Variants in IL12A observed in about 807,000 individuals in gnomAD.
IL12A encodes interleukin-12 subunit alpha.
In IL12A, 16 loss-of-function variants were observed where a neutral mutation model predicts 23.5. That is an observed-to-expected ratio of 0.68 (90% confidence interval 0.46 to 1.03). The LOEUF (loss-of-function observed/expected upper bound fraction) is 1.03, where lower values mean the gene tolerates loss of function less well. Among genes scored for constraint, IL12A ranks in the 50% least tolerant of loss-of-function variants. IL12A has a pLI of 0.00. For synonymous variants in IL12A, 106 were observed against 111.5 expected (o/e 0.95, Z 0.31); for missense variants, 275 against 307.0 (o/e 0.90, Z 0.78).
intron 2 of IL12A, among the ~76,000 whole-genome samples, chr3:159,992,117 A>C (rs1375628957): frequency 6.6e-6 from 1 of 152,104 alleles, no homozygotes; most frequent in Non-Finnish European, 1.5e-5. Context: ...CGTATTCTGA[A>C]TTTTCAGGCC....
intron 2 of IL12A, among the ~76,000 whole-genome samples, chr3:159,991,864 T>C (rs2243123): frequency 0.24 from 36,489 of 152,166 alleles, 4,636 homozygotes; most frequent in Non-Finnish European, 0.29. Context: ...CCCTCTGGAC[T>C]GACCTTCTAC....
chr3:159,994,757 A>G (rs1265985725), intron 6 of IL12A, among the ~76,000 whole-genome samples: 1 of 152,130 alleles, frequency 6.6e-6, no homozygotes, highest in African/African-American at 2.4e-5. Flanking sequence ...CAATTCTACC[A>G]GTAACCAGAC....
chr3:159,989,639 C>T (rs928024243), intron 1 of IL12A, among the ~76,000 whole-genome samples: 1 of 152,128 alleles, frequency 6.6e-6, no homozygotes, highest in Non-Finnish European at 1.5e-5. Flanking sequence ...ACAAATTAGC[C>T]GAGTGTGGTG....
At chr3:159,994,450 A>G (rs1435966408) in intron 6 of IL12A, 1 of 152,420 alleles carries the variant, frequency 6.6e-6, no homozygotes, top group Non-Finnish European at 1.5e-5. Context: ...AATCACCATA[A>G]CACAGATGCT....
At position 159,995,694 on chromosome 3, in the gene IL12A, A is replaced by C. The variant is rs1161310738; in HGVS notation, c.*135A>C. On this transcript the variant is annotated 3_prime_UTR_variant, in exon 7 of 7. Coordinates refer to ENST00000305579, the MANE Select transcript of IL12A (RefSeq NM_000882.4). The stretch of plus-strand genomic sequence containing the variant: ...TACATCCACATGATACCTCTGATCA[A>C]GTATTTTTGACATTTACTGTGGATA... 15 of 544,890 alleles carry C rather than the reference A, an allele frequency of 2.8e-5. No individual in the cohort carries two copies. The highest frequency in any genetic ancestry group is 4.6e-5 in the Non-Finnish European group (15 of 322,860). 33.8% of individuals were successfully genotyped at this position (544,890 alleles called of 1,614,324 possible).
Position 159,992,430 on chromosome 3 carries a change from G to T in IL12A, c.265-582G>T, listed in dbSNP as rs79500275. Among the ~76,000 whole-genome samples, 552 of 152,272 alleles carry T rather than the reference G, an allele frequency of 3.6e-3. 5 individuals carry two copies. The highest frequency in any genetic ancestry group is 5.5e-3 in the Non-Finnish European group (374 of 68,030). ...CCATTAGGCTGTTGAATGGAAAAAT[G>T]ATCGTAATCTTCAATCATACAGTCC... On this transcript the variant is annotated intron_variant, in intron 2 of 6. Transcript: ENST00000305579.
chr3:159,993,391 A>T (rs1420688698), intron 3 of IL12A, 60 bp from the exon 4 acceptor site: 3 of 1,337,996 alleles, frequency 2.2e-6, no homozygotes, highest in Non-Finnish European at 3.1e-6. Flanking sequence ...TTGAGACCTG[A>T]AGAGTCAGAA....
chr3:159,990,421 C>T (rs1720262350), intron 2 of IL12A, 109 bp downstream of exon 2: 4 of 1,146,690 alleles, frequency 3.5e-6, no homozygotes, highest in Admixed American at 4.6e-5. Context: ...TGTGGAAGTT[C>T]ATTAGCAGCT....
intron 6 of IL12A, chr3:159,994,271 A>C (rs2243131): frequency 0.18 from 28,336 of 156,984 alleles, 2,792 homozygotes; most frequent in South Asian, 0.33. Flanking sequence ...CAGGATGTGC[A>C]TGCAAGGGGC....
At position 159,993,860 on chromosome 3, in the gene IL12A, A is replaced by G. The variant is rs753716045; in HGVS notation, c.606+16A>G. On this transcript the variant is annotated intron_variant, in intron 6 of 6. Transcript: ENST00000305579. ...GCTGATGCAGGTAAGACTTCATTCT[A>G]TCAGTGAGAGCACCTTTTTCATGCT... 3 of 1,613,266 alleles carry G rather than the reference A, an allele frequency of 1.9e-6. No homozygotes were observed. The highest frequency in any genetic ancestry group is 2.5e-6 in the Non-Finnish European group (3 of 1,179,332).
chr3:159,989,439 T>TG (rs1254733560), intron 1 of IL12A: 7 of 524,322 alleles, frequency 1.3e-5, no homozygotes, highest in Non-Finnish European at 2.4e-5. Context: ...CCTGCTTTCC[T>TG]GCCTAGGGTC....
intron 2 of IL12A, among the ~76,000 whole-genome samples, chr3:159,991,754 C>T (rs995699420): frequency 6.6e-6 from 1 of 152,150 alleles, no homozygotes; most frequent in Non-Finnish European, 1.5e-5. Flanking sequence ...GAATCTGTTG[C>T]CTTGCTTTGT....
At position 159,988,990 on chromosome 3, in the gene IL12A, A is replaced by T. The variant is rs1173976280; in HGVS notation, c.-67A>T. ...GAAGCTGATGTAGAGAGAGACACAG[A>T]AGGAGACAGAAAGCAAGAGACCAGA... On this transcript the variant is annotated 5_prime_UTR_variant, in exon 1 of 7. Coordinates refer to ENST00000305579, the MANE Select transcript of IL12A (RefSeq NM_000882.4). 1.1e-5 allele frequency: 14 copies of T among 1,261,254 alleles called. No homozygotes were observed. The Admixed American group carries it at 1.9e-4, about 17-fold the overall frequency. The allele number at this position is 1,261,254 out of a possible 1,614,324, so 78.1% of individuals were successfully genotyped here.
At chr3:159,990,077 T>C (rs1720244588) in intron 1 of IL12A, 90 bp from the exon 2 acceptor site, 8 of 1,356,544 alleles carry the variant, frequency 5.9e-6, no homozygotes, top group Non-Finnish European at 8.2e-6. Context: ...CAAGCATGAA[T>C]GGATGGGTGA....
At chr3:159,991,614 A>C (rs147851801) in intron 2 of IL12A, among the ~76,000 whole-genome samples, 306 of 152,296 alleles carry the variant, frequency 2.0e-3, no homozygotes, top group Non-Finnish European at 3.5e-3. Flanking sequence ...TGCTGTCACA[A>C]ATGTAGTGGG....
chr3:159,990,229 G>A lies in IL12A; in HGVS notation c.181G>A (p.Val61Met), dbSNP rs376766194. 9.3e-6 allele frequency: 15 copies of A among 1,613,886 alleles called. No homozygotes were observed. The highest frequency in any genetic ancestry group is 6.7e-5 in the African/African-American group (5 of 74,860). The change falls in exon 2 of 7, where the codon GTG (valine) becomes ATG (methionine). Residue 61 changes from valine (V) to methionine (M), a missense_variant. Val to Met is a conservative substitution (Grantham distance 21). Coordinates refer to ENST00000305579, the MANE Select transcript of IL12A (RefSeq NM_000882.4). ...CCTCAGTTTGGCCAGAAACCTCCCC[G>A]TGGCCACTCCAGACCCAGGAATGTT...
intron 1 of IL12A, 152 bp from the exon 2 acceptor site, chr3:159,990,015 C>T (rs1720242752): frequency 1.4e-6 from 1 of 702,352 alleles, no homozygotes; most frequent in Non-Finnish European, 2.4e-6. Flanking sequence ...CTCGAGTCAT[C>T]TCTCAGGTGT....
Position 159,990,196 on chromosome 3 carries a change from C to A in IL12A, c.148C>A (p.Leu50Met). Residue 50 changes from leucine (L) to methionine (M), a missense_variant, in exon 2 of 7, where the codon CTG becomes ATG. Coordinates refer to ENST00000305579, the MANE Select transcript of IL12A (RefSeq NM_000882.4). ...CCTCCTTGTGGCTACCCTGGTCCTC[C>A]TGGACCACCTCAGTTTGGCCAGAAA... 6.2e-7 allele frequency: 1 copy of A among 1,614,120 alleles called. No homozygotes were observed. Among genetic ancestry groups the A allele is most frequent in the Non-Finnish European group, 8.5e-7 (1 of 1,179,992 alleles).
rs1720202533 is a variant in IL12A at position 159,989,069 on chromosome 3, G to A, written c.13G>A (p.Gly5Arg). ...GACAATTATAAAAATGTGGCCCCCT[G>A]GGTCAGCCTCCCAGCCACCGCCCTC... Residue 5 changes from glycine to arginine, a missense_variant, in exon 1 of 7, where the codon GGG (glycine) becomes AGG (arginine). Gly to Arg is a moderately radical substitution (Grantham distance 125). Coordinates refer to ENST00000305579, the MANE Select transcript of IL12A (RefSeq NM_000882.4). 1 of 1,613,264 alleles carries A rather than the reference G, an allele frequency of 6.2e-7. No homozygotes were observed. The highest frequency in any genetic ancestry group is 8.5e-7 in the Non-Finnish European group (1 of 1,179,756).
Sources: allele counts gnomAD v4.1 joint callset (sites outside exome capture counted in the v4.1 genomes callset), GRCh38; gene constraint gnomAD v4.1.1; transcripts MANE v1.5; gene names NCBI Gene and HGNC (gene_info 2026-07-23, HGNC 2026-07-21).